SHROOM2: variants seen among roughly 807,000 people sequenced by gnomAD.
SHROOM2 encodes shroom family member 2.
Under a neutral mutation model 75.9 loss-of-function variants are expected in SHROOM2, and 33 were observed. The observed-to-expected ratio is 0.43, with a 90% CI of 0.33 to 0.58. The LOEUF is 0.58. SHROOM2 is among the 20% of genes least tolerant of loss of function. SHROOM2 has a pLI of 0.04. For synonymous variants in SHROOM2, 655 were observed against 663.6 expected (o/e 0.99, Z 0.20); for missense variants, 1,434 against 1,461.2 (o/e 0.98, Z 0.30).
At chrX:9,803,539 C>T (rs1028655378) in intron 1 of SHROOM2, among the ~76,000 whole-genome samples, 5 of 110,757 alleles carry the variant, frequency 4.5e-5, no homozygotes, top group African/African-American at 6.6e-5. Flanking sequence ...GAAGGGTGCC[C>T]GGCGCTTTTC....
intron 1 of SHROOM2, among the ~76,000 whole-genome samples, chrX:9,814,532 C>T (rs773158204): frequency 2.7e-5 from 3 of 111,298 alleles, no homozygotes; most frequent in African/African-American, 9.8e-5. Context: ...GGTCTAGAAG[C>T]AAACAGGGGT....
Position 9,895,816 on chromosome X carries a change from G to A in SHROOM2, c.1908G>A (p.Met636Ile). 8.3e-7 allele frequency: 1 copy of A among 1,204,122 alleles called. No homozygotes were observed. Residue 636 changes from methionine to isoleucine, a missense_variant, in exon 4 of 10, where the codon ATG becomes ATA. Transcript: ENST00000380913. ...FATTLRNEIQ[M>I]HRAKLQKSRS... The stretch of plus-strand genomic sequence containing the variant: ...CCACCCTGCGGAATGAGATCCAGAT[G>A]CATAGAGCCAAGCTGCAGAAGAGCC...
rs375110528 is a variant in SHROOM2, at chrX:9,937,539, C to T, written c.3993C>T (p.Ala1331=). The change falls in exon 7 of 10, where the codon GCC becomes GCT. Residue 1331 remains alanine, a synonymous_variant. Coordinates refer to ENST00000380913, the MANE Select transcript of SHROOM2 (RefSeq NM_001649.4). ...REIVGKDKSL[A]DILDPSVKIK... is the part of the protein sequence containing the mutation. Reference sequence around the variant, plus strand: ...TCGTGGGGAAGGATAAGTCCCTGGCCGACATCCTGGATCCCAGTGTGAAGA... The same window carrying T: ...TCGTGGGGAAGGATAAGTCCCTGGCTGACATCCTGGATCCCAGTGTGAAGA... The T allele has an allele frequency of 1.7e-6, 2 of 1,211,682 alleles. No homozygotes were observed. Among genetic ancestry groups the T allele is most frequent in the Non-Finnish European group, 2.2e-6 (2 of 895,513 alleles).
chrX:9,894,440 G>A lies in SHROOM2; in HGVS notation c.532G>A (p.Val178Ile), dbSNP rs757929241. 19 of 1,208,009 alleles carry A rather than the reference G, an allele frequency of 1.6e-5. No homozygotes were observed. Among genetic ancestry groups the A allele is most frequent in the Admixed American group, 1.3e-4 (6 of 45,563 alleles). The change falls in exon 4 of 10, where the codon GTT becomes ATT. Residue 178 changes from valine (V) to isoleucine (I), a missense_variant. By Grantham distance (29) the Val-to-Ile change is conservative (BLOSUM62 3). Around this residue, in one of 3 missense-constraint regions of SHROOM2, gnomAD observed 1,340 missense variants for 1,338.3 expected, o/e 1.00. Transcript: ENST00000380913. ...AGATCACTTCAGCTCCTTGGGGAGC[G>A]TTGACAGCCTGGACCACCCCTCCAG... is the stretch of plus-strand genomic sequence containing the variant. ...TLDHFSSLGS[V>I]DSLDHPSSRL... is the part of the protein sequence containing the mutation.
chrX:9,818,354 C>G, intron 1 of SHROOM2: 1 of 254,738 alleles, frequency 3.9e-6, no homozygotes. Flanking sequence ...ATCTTCTTCA[C>G]CACCAGAAGA....
intron 7 of SHROOM2, 43 bp from the exon 8 acceptor site, chrX:9,939,152 G>C (rs186434130): frequency 1.2e-5 from 13 of 1,125,039 alleles, no homozygotes; most frequent in Non-Finnish European, 1.3e-5. Context: ...GGCTGTTTGC[G>C]TGCACAGTCC....
intron 5 of SHROOM2, among the ~76,000 whole-genome samples, chrX:9,898,688 C>T (rs761763782): frequency 2.6e-4 from 29 of 112,391 alleles, no homozygotes; most frequent in Non-Finnish European, 4.3e-4. Flanking sequence ...AGCTGTGTGC[C>T]TAGCCGCGGC....
intron 2 of SHROOM2, among the ~76,000 whole-genome samples, chrX:9,881,604 C>G (rs983494781): frequency 8.9e-6 from 1 of 112,462 alleles, no homozygotes; most frequent in African/African-American, 3.2e-5. Flanking sequence ...AATAAAAGCA[C>G]AAGCTTCCTT....
intron 1 of SHROOM2, among the ~76,000 whole-genome samples, chrX:9,864,600 C>T (rs1398784934): frequency 1.8e-5 from 2 of 109,644 alleles, no homozygotes; most frequent in Non-Finnish European, 3.8e-5. Context: ...GGGCAGATCA[C>T]GAGGTCAGGA....
intron 6 of SHROOM2, among the ~76,000 whole-genome samples, chrX:9,935,616 A>C (rs2084695999): frequency 9.0e-6 from 1 of 111,474 alleles, no homozygotes; most frequent in Non-Finnish European, 1.9e-5. Flanking sequence ...GCTGAACCCT[A>C]CTGGAGAGAG....
intron 1 of SHROOM2, among the ~76,000 whole-genome samples, chrX:9,850,563 G>A (rs1333670675): frequency 9.0e-6 from 1 of 111,571 alleles, no homozygotes; most frequent in Non-Finnish European, 1.9e-5. Flanking sequence ...CCTAAGCCAG[G>A]CGTGGTGGTG....
chrX:9,904,951 T>TC (rs761629611), intron 5 of SHROOM2, among the ~76,000 whole-genome samples: 1 of 112,004 alleles, frequency 8.9e-6, no homozygotes, highest in South Asian at 3.7e-4. Context: ...AGCCTCAACC[T>TC]CCAAGCTCAA....
chrX:9,867,541 G>C (rs1180446262), intron 1 of SHROOM2, among the ~76,000 whole-genome samples: 1 of 111,733 alleles, frequency 8.9e-6, no homozygotes, highest in African/African-American at 3.3e-5. Context: ...TCCTTACCTT[G>C]TAGACCTGGG....
intron 1 of SHROOM2, among the ~76,000 whole-genome samples, chrX:9,829,228 T>C (rs1166841706): frequency 9.0e-6 from 1 of 111,575 alleles, no homozygotes; most frequent in Non-Finnish European, 1.9e-5. Flanking sequence ...TTCACCATGT[T>C]AGCCAGGCTG....
At chrX:9,936,617 G>C (rs1464532670) in intron 6 of SHROOM2, among the ~76,000 whole-genome samples, 1 of 111,038 alleles carries the variant, frequency 9.0e-6, no homozygotes, top group African/African-American at 3.3e-5. Flanking sequence ...GGGGTGGTGG[G>C]GGGCTTTGGC....
intron 1 of SHROOM2, among the ~76,000 whole-genome samples, chrX:9,807,556 C>T (rs772379455): frequency 1.4e-4 from 16 of 112,161 alleles, no homozygotes; most frequent in African/African-American, 5.2e-4. Context: ...AGGCGTGTCA[C>T]ATAGCCTGTG....
chrX:9,808,613 G>C (rs766327748), intron 1 of SHROOM2, among the ~76,000 whole-genome samples: 1 of 110,245 alleles, frequency 9.1e-6, no homozygotes, highest in South Asian at 3.8e-4. Context: ...TGTAATCCCA[G>C]CACTTTGGGA....
chrX:9,938,550 C>T (rs1371094876), intron 7 of SHROOM2, among the ~76,000 whole-genome samples: 2 of 111,935 alleles, frequency 1.8e-5, no homozygotes, highest in Non-Finnish European at 3.8e-5. Flanking sequence ...AAGACCCCAT[C>T]TCTTGAAATA....
Position 9,873,954 on chromosome X carries a change from G to A in SHROOM2, c.317+151G>A, listed in dbSNP as rs780430548. The A allele has an allele frequency of 2.6e-5, 13 of 509,436 alleles. No homozygotes were observed. In the South Asian group the frequency reaches 3.8e-4, roughly 15 times the overall value. The allele number at this position is 509,436 out of a possible 1,213,427, so 42.0% of individuals were successfully genotyped here. On this transcript the variant is annotated intron_variant, in intron 2 of 9. Coordinates refer to ENST00000380913, the MANE Select transcript of SHROOM2 (RefSeq NM_001649.4). The stretch of plus-strand genomic sequence containing the variant: ...ATATGTCTCGGCCAAGCATGGGCCC[G>A]GCATCAAGAGTCTGAACGGTTCCTA...
Sources: gnomAD v4.1 joint callset for allele counts (sites outside exome capture counted in the v4.1 genomes callset) on GRCh38, gnomAD v4.1.1 for gene constraint, gnomAD v4.1.1 regional missense constraint, MANE v1.5 for transcripts, NCBI Gene and HGNC (gene_info 2026-07-23, HGNC 2026-07-21) for gene names.